The following PDHX variants were observed in gnomAD, a reference collection of about 807,000 sequenced individuals.
PDHX encodes the protein pyruvate dehydrogenase protein X component, mitochondrial.
In PDHX, 33 loss-of-function variants were observed where a neutral mutation model predicts 55.3. The ratio of observed to expected loss-of-function variants is 0.60; its 90% CI spans 0.45 to 0.80. The LOEUF (loss-of-function observed/expected upper bound fraction) is 0.80, where lower values mean the gene tolerates loss of function less well. Among genes scored for constraint, PDHX ranks in the 30% least tolerant of loss-of-function variants. The pLI is 0.00. For missense variants in PDHX, 622 were observed against 619.9 expected, an observed-to-expected ratio of 1.00 and a Z score of -0.04; for synonymous variants, 226 against 219.4, an observed-to-expected ratio of 1.03 and a Z score of -0.27.
chr11:34,931,002 G>C (rs1854149311), intron 1 of PDHX, among the ~76,000 whole-genome samples: 1 of 152,086 alleles, frequency 6.6e-6, no homozygotes, highest in African/African-American at 2.4e-5. Flanking sequence ...CTGTTTTGTT[G>C]TTGTTGTTTT....
Position 34,916,668 on chromosome 11 carries a change from T to A in PDHX, c.13T>A (p.Trp5Arg). 6.2e-7 allele frequency: 1 copy of A among 1,610,342 alleles called. No homozygotes were observed. The highest frequency in any genetic ancestry group is 8.5e-7 in the Non-Finnish European group (1 of 1,179,966). Residue 5 changes from tryptophan to arginine, a missense_variant, in exon 1 of 11, where the codon TGG becomes AGG. Transcript: ENST00000227868. MAAS[W>R]RLGCDPRLLR... ...GAAGGCCGTCAAGATGGCGGCCTCC[T>A]GGAGGCTGGGCTGTGATCCGCGGCT... is the stretch of plus-strand genomic sequence containing the variant.
chr11:34,986,556 T>A (rs1022310233), intron 9 of PDHX, among the ~76,000 whole-genome samples: 1 of 152,334 alleles, frequency 6.6e-6, no homozygotes, highest in South Asian at 2.1e-4. Flanking sequence ...TCCTTATTTT[T>A]ATATACATTA....
intron 6 of PDHX, among the ~76,000 whole-genome samples, chr11:34,969,346 CT>C (rs763366784): frequency 2.3e-3 from 311 of 137,922 alleles, no homozygotes; most frequent in African/African-American, 3.0e-3. Context: ...GGTTTTTTTT[CT>C]TTTTTTTTTT....
chr11:34,925,120 G>C (rs1332062582), intron 1 of PDHX, among the ~76,000 whole-genome samples: 2 of 152,028 alleles, frequency 1.3e-5, no homozygotes, highest in Non-Finnish European at 2.9e-5. Flanking sequence ...TTTATCTCAC[G>C]GTATGTAATA....
chr11:34,978,078 A>G, intron 7 of PDHX, 46 bp from the exon 8 acceptor site: 2 of 984,042 alleles, frequency 2.0e-6, no homozygotes, highest in Non-Finnish European at 1.6e-6. Context: ...TCAATGTTAA[A>G]GTTATATTAG....
In PDHX at chr11:34,994,856, G is replaced by A. The variant is rs537010202; in HGVS notation, c.1248-58G>A. On this transcript the variant is annotated intron_variant, in intron 10 of 10. Coordinates refer to ENST00000227868, the MANE Select transcript of PDHX (RefSeq NM_003477.3). ...AAAATATATAAAATATGTGCTTCACGGAAAGGGGACTTTGATTAAGGACAT... is the reference window on the plus strand; with the variant it reads ...AAAATATATAAAATATGTGCTTCACAGAAAGGGGACTTTGATTAAGGACAT... 92 of 1,597,820 alleles carry A rather than the reference G, an allele frequency of 5.8e-5. 1 individual carries two copies. The African/African-American group carries it at 9.4e-4, about 16-fold the overall frequency.
rs370210752 is a variant in PDHX at position 34,966,686 on chromosome 11, G to A, written c.688G>A (p.Glu230Lys). 62 of 1,613,872 alleles carry A rather than the reference G, an allele frequency of 3.8e-5. No individual in the cohort carries two copies. Among genetic ancestry groups the A allele is most frequent in the Non-Finnish European group, 4.6e-5 (54 of 1,180,004 alleles). ...VQLKQTGKIT[E>K]SRPTPAPTAT... ...GTTGAAACAAACGGGCAAGATTACC[G>A]AGTCCAGACCAACTCCAGCCCCCAC... Residue 230 changes from glutamate (E) to lysine (K), a missense_variant, in exon 6 of 11, where the codon GAG becomes AAG. Coordinates refer to ENST00000227868, the MANE Select transcript of PDHX (RefSeq NM_003477.3).
chr11:34,950,934 C>T (rs1292453290), intron 3 of PDHX, among the ~76,000 whole-genome samples: 6 of 150,510 alleles, frequency 4.0e-5, no homozygotes, highest in Non-Finnish European at 8.9e-5. Flanking sequence ...AGTTCTAGAT[C>T]CCTGAGGAAT....
At chr11:34,994,629 G>A (rs183891296) in intron 10 of PDHX, among the ~76,000 whole-genome samples, 271 of 152,250 alleles carry the variant, frequency 1.8e-3, no homozygotes, top group African/African-American at 6.0e-3. Context: ...GTGATCCTTC[G>A]TTATGTGGGA....
intron 8 of PDHX, 51 bp from the exon 9 acceptor site, chr11:34,984,519 C>T (rs372621473): frequency 2.7e-6 from 4 of 1,500,864 alleles, no homozygotes; most frequent in Non-Finnish European, 3.7e-6. Context: ...TCTGTAACCG[C>T]CTTGGTCTAA....
At chr11:34,951,358 C>T (rs1854765093) in intron 3 of PDHX, among the ~76,000 whole-genome samples, 1 of 152,050 alleles carries the variant, frequency 6.6e-6, no homozygotes. Flanking sequence ...CGCGCCCGGC[C>T]TGTTTCCTGA....
rs76431566 is a variant in PDHX, at chr11:34,968,772, C to G, written c.817-1367C>G. 8.0e-3 allele frequency among the ~76,000 whole-genome samples: 1,212 copies of G among 152,254 alleles called. 20 individuals carry two copies. Among genetic ancestry groups the G allele is most frequent in the African/African-American group, 0.028 (1,165 of 41,558 alleles). ...TTTAATTTCAAAATATTGGAAGACC[C>G]TTCAGTTACCTTTCATGATTTCTAG... is the stretch of plus-strand genomic sequence containing the variant. On this transcript the variant is annotated intron_variant, in intron 6 of 10. Transcript: ENST00000227868.
intron 2 of PDHX, among the ~76,000 whole-genome samples, chr11:34,937,442 C>CT (rs36061427): frequency 0.02 from 2,691 of 134,556 alleles, 85 homozygotes; most frequent in African/African-American, 0.025. Flanking sequence ...GAGTTGCTGA[C>CT]TTTTTTTTTT....
At position 34,986,200 on chromosome 11, in the gene PDHX, G is replaced by A. The variant is rs1008266741; in HGVS notation, c.1182+1472G>A. Among the ~76,000 whole-genome samples, 12 of 151,832 alleles carry A rather than the reference G, an allele frequency of 7.9e-5. No homozygotes were observed. In the East Asian group the frequency reaches 1.4e-3, roughly 17 times the overall value. ...CACACCTATTATCTGAACTATTCGC[G>A]TGACGGAGGCATGAGAATTGCTTGA... On this transcript the variant is annotated intron_variant, in intron 9 of 10. Coordinates refer to ENST00000227868, the MANE Select transcript of PDHX (RefSeq NM_003477.3).
At chr11:34,929,934 G>A (rs1224030795) in intron 1 of PDHX, among the ~76,000 whole-genome samples, 1 of 152,236 alleles carries the variant, frequency 6.6e-6, no homozygotes, top group African/African-American at 2.4e-5. Context: ...ATGTGACTTA[G>A]ATCTGTGGCC....
chr11:34,917,593 C>T (rs1853763422), intron 1 of PDHX, among the ~76,000 whole-genome samples: 1 of 152,000 alleles, frequency 6.6e-6, no homozygotes, highest in Non-Finnish European at 1.5e-5. Flanking sequence ...GACGTATTAC[C>T]TGCCAATCAT....
chr11:34,946,668 C>T (rs7117719), intron 2 of PDHX, among the ~76,000 whole-genome samples: 13,172 of 152,204 alleles, frequency 0.087, 1,935 homozygotes, highest in African/African-American at 0.3. Flanking sequence ...TGGTCCCCAC[C>T]TTCCTAGACC....
chr11:34,992,435 T>C (rs1005862304), intron 10 of PDHX, 56 bp downstream of exon 10: 4 of 892,878 alleles, frequency 4.5e-6, no homozygotes, highest in Non-Finnish European at 7.6e-6. Context: ...GTAAGACTTA[T>C]AAAGTCCCTG....
chr11:34,925,164 C>T (rs933700985), intron 1 of PDHX, among the ~76,000 whole-genome samples: 3 of 152,228 alleles, frequency 2.0e-5, no homozygotes, highest in Admixed American at 1.3e-4. Flanking sequence ...ATGTCAGCCA[C>T]ATCAGATACT....
Sources: gnomAD v4.1 joint callset for allele counts (sites outside exome capture counted in the v4.1 genomes callset) on GRCh38, gnomAD v4.1.1 for gene constraint, MANE v1.5 for transcripts, NCBI Gene and HGNC (gene_info 2026-07-23, HGNC 2026-07-21) for gene names.